The following RALGAPA2 variants were observed in gnomAD, a reference collection of about 807,000 sequenced individuals.
RALGAPA2 encodes ral GTPase-activating protein subunit alpha-2.
RALGAPA2 carries 139 observed loss-of-function variants against 230.4 expected under a neutral mutation model. The observed-to-expected ratio is 0.60, with a 90% CI of 0.53 to 0.69. The LOEUF is 0.69. Among genes scored for constraint, RALGAPA2 ranks in the 30% least tolerant of loss-of-function variants. The pLI is 0.00. For synonymous variants in RALGAPA2, 847 were observed against 837.8 expected (o/e 1.01, Z -0.19); for missense variants, 2,163 against 2,276.0 (o/e 0.95, Z 1.01).
chr20:20,478,849 A>C (rs2061709749), intron 36 of RALGAPA2, among the ~76,000 whole-genome samples: 1 of 152,106 alleles, frequency 6.6e-6, no homozygotes, highest in Non-Finnish European at 1.5e-5. Context: ...GTACTCCTGG[A>C]ATCTAAAATA....
intron 36 of RALGAPA2, among the ~76,000 whole-genome samples, chr20:20,491,583 A>G (rs2062059392): frequency 6.6e-6 from 1 of 152,212 alleles, no homozygotes; most frequent in African/African-American, 2.4e-5. Context: ...GCAGTGTGGA[A>G]GTTCTATGAA....
chr20:20,700,982 A>G (rs1180050930), intron 1 of RALGAPA2, among the ~76,000 whole-genome samples: 3 of 152,180 alleles, frequency 2.0e-5, no homozygotes, highest in African/African-American at 7.2e-5. Context: ...CTGAAATCAC[A>G]TTTTTGGTTG....
chr20:20,520,214 G>A (rs2062995760), intron 31 of RALGAPA2, among the ~76,000 whole-genome samples: 1 of 152,102 alleles, frequency 6.6e-6, no homozygotes, highest in African/African-American at 2.4e-5. Context: ...ATATTACTCA[G>A]TGTTCACCAG....
At chr20:20,494,068 C>CAAT (rs199972869) in intron 36 of RALGAPA2, among the ~76,000 whole-genome samples, 5 of 152,000 alleles carry the variant, frequency 3.3e-5, no homozygotes, top group Admixed American at 1.3e-4. Context: ...ACAACAGCAA[C>CAAT]AATAATAATA....
intron 10 of RALGAPA2, among the ~76,000 whole-genome samples, chr20:20,627,358 G>GA (rs1473663623): frequency 3.9e-5 from 6 of 152,122 alleles, no homozygotes; most frequent in African/African-American, 9.7e-5. Context: ...GATATTAGGG[G>GA]AAAAAATCAG....
At chr20:20,614,683 A>G (rs1312820200) in intron 13 of RALGAPA2, among the ~76,000 whole-genome samples, 1 of 152,184 alleles carries the variant, frequency 6.6e-6, no homozygotes, top group African/African-American at 2.4e-5. Context: ...CTGCACACCA[A>G]GATTCTTGAG....
chr20:20,666,558 G>A (rs991904406), intron 3 of RALGAPA2, among the ~76,000 whole-genome samples: 2 of 152,062 alleles, frequency 1.3e-5, no homozygotes, highest in South Asian at 2.1e-4. Flanking sequence ...CCTTCACCTC[G>A]GCATGGGAGG....
At chr20:20,485,111 T>C (rs1040727862) in intron 36 of RALGAPA2, among the ~76,000 whole-genome samples, 14 of 152,242 alleles carry the variant, frequency 9.2e-5, no homozygotes, top group Admixed American at 7.2e-4. Context: ...GTATTTTATG[T>C]GTGGCCCAAG....
chr20:20,639,281 C>G (rs983869833), intron 7 of RALGAPA2, among the ~76,000 whole-genome samples: 2 of 152,210 alleles, frequency 1.3e-5, no homozygotes, highest in South Asian at 4.1e-4. Flanking sequence ...ACATTTTATT[C>G]TAACTATTAT....
intron 37 of RALGAPA2, among the ~76,000 whole-genome samples, chr20:20,424,045 T>C (rs2060330636): frequency 6.6e-6 from 1 of 152,238 alleles, no homozygotes; most frequent in Non-Finnish European, 1.5e-5. Flanking sequence ...TGTTCTCATA[T>C]TCCTATGTCC....
At chr20:20,662,443 A>C (rs1386754166) in intron 3 of RALGAPA2, among the ~76,000 whole-genome samples, 1 of 152,220 alleles carries the variant, frequency 6.6e-6, no homozygotes, top group Non-Finnish European at 1.5e-5. Context: ...ACAAATCCAT[A>C]GACTTGAATT....
In RALGAPA2 at chr20:20,530,522, G is replaced by A. The variant is rs7263566; in HGVS notation, c.3582+1165C>T. On this transcript the variant is annotated intron_variant, in intron 27 of 39. Transcript: ENST00000202677. ...GAGTTTGGTCAAGCAGGGGCCAGAC[G>A]CCAAATCAAGGATGGGAGACAGCAC... Among the ~76,000 whole-genome samples the A allele has an allele frequency of 4.9e-3, 749 of 152,308 alleles. 5 individuals carry two copies. The highest frequency in any genetic ancestry group is 0.017 in the African/African-American group (714 of 41,552).
chr20:20,635,720 C>A, intron 8 of RALGAPA2, 103 bp from the exon 9 acceptor site: 1 of 1,024,052 alleles, frequency 9.8e-7, no homozygotes, highest in South Asian at 1.7e-5. Context: ...TTTTGGTTGT[C>A]TAAATAGCAA....
chr20:20,633,898 T>G (rs1286852060), intron 9 of RALGAPA2, among the ~76,000 whole-genome samples: 2 of 152,238 alleles, frequency 1.3e-5, no homozygotes, highest in African/African-American at 4.8e-5. Context: ...AATGATTCTT[T>G]CTTTTAATCT....
chr20:20,678,191 A>T (rs1405613094), intron 2 of RALGAPA2, among the ~76,000 whole-genome samples: 4 of 152,218 alleles, frequency 2.6e-5, no homozygotes, highest in Non-Finnish European at 4.4e-5. Context: ...AAGTTATCAC[A>T]AGATTATTTA....
intron 37 of RALGAPA2, among the ~76,000 whole-genome samples, chr20:20,422,549 C>T (rs188170672): frequency 2.8e-4 from 42 of 151,910 alleles, no homozygotes; most frequent in Admixed American, 2.0e-3. Context: ...CCAGTCTGGG[C>T]GACAGAATGA....
chr20:20,629,002 A>C (rs374143827), intron 10 of RALGAPA2, among the ~76,000 whole-genome samples: 149 of 151,608 alleles, frequency 9.8e-4, no homozygotes, highest in African/African-American at 3.4e-3. Flanking sequence ...AGAAGACTGG[A>C]CTCTTCTTTG....
intron 38 of RALGAPA2, 29 bp downstream of exon 38, chr20:20,411,998 C>T (rs377231891): frequency 6.9e-5 from 111 of 1,613,400 alleles, no homozygotes; most frequent in Non-Finnish European, 8.3e-5. Context: ...GTCTTAAGCG[C>T]GTGAGAGAAG....
intron 3 of RALGAPA2, among the ~76,000 whole-genome samples, chr20:20,655,253 A>C (rs1248151728): frequency 6.6e-6 from 1 of 152,076 alleles, no homozygotes; most frequent in African/African-American, 2.4e-5. Context: ...AAAATATGTA[A>C]TCCTTCCAAG....
Sources: allele counts gnomAD v4.1 joint callset (sites outside exome capture counted in the v4.1 genomes callset), GRCh38; gene constraint gnomAD v4.1.1; transcripts MANE v1.5; gene names NCBI Gene and HGNC (gene_info 2026-07-23, HGNC 2026-07-21).